Variants in ZSCAN31 observed in about 807,000 individuals in gnomAD.
The protein encoded by ZSCAN31 is zinc finger and SCAN domain containing 31, also known as zinc finger and SCAN domain-containing protein 31.
In ZSCAN31, 14 loss-of-function variants were observed where a neutral mutation model predicts 22.5. The observed-to-expected ratio is 0.62, with a 90% CI of 0.41 to 0.97. ZSCAN31 has a LOEUF of 0.97. Ranked by LOEUF, ZSCAN31 falls within the 50% of genes least tolerant of loss-of-function variation. The pLI, the probability that ZSCAN31 is intolerant of heterozygous loss-of-function variation, is 0.00. For missense variants in ZSCAN31, 424 were observed against 483.4 expected (o/e 0.88, Z 1.15); for synonymous variants, 168 against 169.8 (o/e 0.99, Z 0.08).
Position 28,352,964 on chromosome 6 carries a change from C to CTT in ZSCAN31, c.-371+896_-371+897dup, listed in dbSNP as rs5875156. Among the ~76,000 whole-genome samples, 222 of 129,888 alleles carry CTT rather than the reference C, an allele frequency of 1.7e-3. 3 individuals are homozygous for CTT. In the East Asian group the frequency reaches 0.038, roughly 22 times the overall value. The allele number at this position is 129,888 out of a possible 152,430, so 85.2% of individuals were successfully genotyped here. ...CTTACATTTCTTTTCTTTTCTTTTTCTTTTTTTTTTTTTTTTTGAGGCAGA... is the reference window on the plus strand; with the variant it reads ...CTTACATTTCTTTTCTTTTCTTTTTCTTTTTTTTTTTTTTTTTTTGAGGCAGA... On this transcript the variant is annotated intron_variant, in intron 2 of 7. Transcript: ENST00000396838.
rs878961650 is a variant in ZSCAN31 at position 28,353,576 on chromosome 6, G to A, written c.-371+286C>T. 4.5e-5 allele frequency: 12 copies of A among 267,778 alleles called. No homozygotes were observed. In the East Asian group the frequency reaches 8.6e-4, roughly 19 times the overall value. 16.6% of individuals were successfully genotyped at this position (267,778 alleles called of 1,614,324 possible). ...TCTAGATAATACCATACTGAGGAAGGAGTAGATTAGGAAGCAAGAAAATCA... is the reference window on the plus strand; with the variant it reads ...TCTAGATAATACCATACTGAGGAAGAAGTAGATTAGGAAGCAAGAAAATCA... On this transcript the variant is annotated intron_variant, in intron 2 of 7. Coordinates refer to the ZSCAN31 transcript ENST00000396838.
rs764478859 is a variant in ZSCAN31 at position 28,329,561 on chromosome 6, A to T, written c.123T>A (p.Leu41=). 1.9e-6 allele frequency: 3 copies of T among 1,614,086 alleles called. No homozygotes were observed. The South Asian group carries it at 3.3e-5, about 18-fold the overall frequency. Reference sequence around the variant, plus strand: ...TCTCTTGGTAACAAAACTGCCTAAAAAGTTGTCGGGAGGCTTCTTGGCCAG... The same window carrying T: ...TCTCTTGGTAACAAAACTGCCTAAATAGTTGTCGGGAGGCTTCTTGGCCAG... ...NFSGQEASRQ[L]FRQFCYQETP... Residue 41 remains leucine, a synonymous_variant, in exon 2 of 4, where the codon CTT becomes CTA. Transcript: ENST00000344279.
intron 2 of ZSCAN31, among the ~76,000 whole-genome samples, chr6:28,348,254 T>C (rs1434027280): frequency 6.6e-6 from 1 of 152,208 alleles, no homozygotes; most frequent in Non-Finnish European, 1.5e-5. Context: ...GTTTTCCTTA[T>C]AGTTTGTATG....
chr6:28,353,088 C>T (rs554569981), intron 2 of ZSCAN31, among the ~76,000 whole-genome samples: 1 of 151,996 alleles, frequency 6.6e-6, no homozygotes, highest in East Asian at 1.9e-4. Context: ...CCTGCCTCAG[C>T]CTCCCAAGTA....
intron 2 of ZSCAN31, 111 bp from the exon 3 acceptor site, chr6:28,327,644 C>T (rs1484827643): frequency 8.0e-7 from 1 of 1,245,924 alleles, no homozygotes; most frequent in Non-Finnish European, 1.1e-6. Flanking sequence ...AGAGAGATGT[C>T]ACAGTGGAAG....
chr6:28,350,445 G>C (rs906320500), intron 2 of ZSCAN31: 38 of 152,220 alleles, frequency 2.5e-4, no homozygotes, highest in African/African-American at 8.9e-4. Flanking sequence ...CAGAACGTTG[G>C]AGTCAGATTA....
At chr6:28,327,628 T>C (rs1763402874) in intron 2 of ZSCAN31, 95 bp from the exon 3 acceptor site, 1 of 1,370,684 alleles carries the variant, frequency 7.3e-7, no homozygotes, top group African/African-American at 1.5e-5. Flanking sequence ...ATATGAAACA[T>C]TTTCTAGAGA....
rs853678 is a variant in ZSCAN31, at chr6:28,329,536, T to A, written c.148A>T (p.Thr50Ser). 251,115 of 1,613,804 alleles carry A rather than the reference T, an allele frequency of 0.16. 22,147 individuals carry two copies. Among genetic ancestry groups the A allele is most frequent in the African/African-American group, 0.35 (26,467 of 74,862 alleles). Reference sequence around the variant, plus strand: ...CTCAGAGCTTCTCGGGGACCAGGAGTCTCTTGGTAACAAAACTGCCTAAAA... The same window carrying A: ...CTCAGAGCTTCTCGGGGACCAGGAGACTCTTGGTAACAAAACTGCCTAAAA... ...QLFRQFCYQE[T>S]PGPREALSRL... The change falls in exon 2 of 4, where the codon ACT (threonine) becomes TCT (serine). Residue 50 changes from threonine (T) to serine (S), a missense_variant. Coordinates refer to ENST00000344279, the MANE Select transcript of ZSCAN31 (RefSeq NM_030899.5).
At chr6:28,355,411 A>G (rs1765360530), upstream of ZSCAN31, 1 of 152,186 alleles carries the variant, frequency 6.6e-6, no homozygotes, top group Non-Finnish European at 1.5e-5. Flanking sequence ...GCAGTTAGTA[A>G]CTGCTTCTCT....
At position 28,347,254 on chromosome 6, in the gene ZSCAN31, C is replaced by T. The variant is rs1283457479; in HGVS notation, c.-370-5462G>A. On this transcript the variant is annotated intron_variant, in intron 2 of 7. Coordinates refer to the ZSCAN31 transcript ENST00000396838. The surrounding 1 kb of genome is among the most constrained non-coding windows in gnomAD (Gnocchi z 5.2). ...TTCTTGCTTAAAAATCCCAGAGTAA[C>T]CTTATCTCTGATACCCTCTCTTGTT... Among the ~76,000 whole-genome samples the T allele has an allele frequency of 1.3e-5, 2 of 152,176 alleles. No homozygotes were observed. Among genetic ancestry groups the T allele is most frequent in the Admixed American group, 1.3e-4 (2 of 15,278 alleles).
chr6:28,334,336 C>T (rs16893973), intron 1 of ZSCAN31, among the ~76,000 whole-genome samples: 15,145 of 152,160 alleles, frequency 0.1, 1,115 homozygotes, highest in East Asian at 0.31. Context: ...TAAGTGTTTA[C>T]GAGGTGTCAG....
chr6:28,342,423 A>G (rs1256431607), intron 2 of ZSCAN31, among the ~76,000 whole-genome samples: 3 of 152,188 alleles, frequency 2.0e-5, no homozygotes, highest in Non-Finnish European at 4.4e-5. Context: ...ACACCTGGAC[A>G]CTACGTTAGT....
chr6:28,345,698 G>A (rs562169611), intron 2 of ZSCAN31, among the ~76,000 whole-genome samples: 4 of 152,206 alleles, frequency 2.6e-5, no homozygotes, highest in Admixed American at 2.6e-4. Context: ...CATAGGATCT[G>A]GCATAACTTT....
intron 2 of ZSCAN31, among the ~76,000 whole-genome samples, chr6:28,342,893 C>T (rs1764472250): frequency 6.6e-6 from 1 of 152,198 alleles, no homozygotes; most frequent in Non-Finnish European, 1.5e-5. Flanking sequence ...GAACATTTCT[C>T]CAACTCTTCT....
At position 28,351,789 on chromosome 6, in the gene ZSCAN31, C is replaced by T. The variant is rs1293463090; in HGVS notation, c.-371+2073G>A. 2.0e-5 allele frequency among the ~76,000 whole-genome samples: 3 copies of T among 151,464 alleles called. No individual in the cohort carries two copies. Among genetic ancestry groups the T allele is most frequent in the Admixed American group, 2.0e-4 (3 of 15,174 alleles). ...CTCATTTCGTCCCTCTCTTCTCTTT[C>T]ATTTTATAGCAAATTGCAGATGGAA... On this transcript the variant is annotated intron_variant, in intron 2 of 7. Coordinates refer to the ZSCAN31 transcript ENST00000396838. This position sits in a 1 kb window ranked among gnomAD's most constrained non-coding sequence, Gnocchi z 4.6.
intron 2 of ZSCAN31, among the ~76,000 whole-genome samples, chr6:28,343,542 C>CTTTTTTTTTTTTTTTTTTTTTCT (rs34131321): frequency 9.4e-6 from 1 of 105,876 alleles, no homozygotes; most frequent in Non-Finnish European, 1.8e-5. Context: ...TTTTTTCTTT[C>CTTTTTTTTTTTTTTTTTTTTTCT]TTTTTTTTTT....
rs72854533 is a variant in ZSCAN31 at position 28,347,880 on chromosome 6, C to A, written c.-371+5982G>T. On this transcript the variant is annotated intron_variant, in intron 2 of 7. Transcript: ENST00000396838. This position sits in a 1 kb window ranked among gnomAD's most constrained non-coding sequence, Gnocchi z 5.2. ...AGTCCCAGCAACTGTGTATGACAGT[C>A]TCAAAATTTTCACATTCTTATCAGC... 0.046 allele frequency among the ~76,000 whole-genome samples: 7,034 copies of A among 152,232 alleles called. 254 individuals are homozygous for A. The highest frequency in any genetic ancestry group is 0.064 in the Non-Finnish European group (4,359 of 67,998).
At chr6:28,329,876 TAATAA>T (rs1407859947) in intron 1 of ZSCAN31, 98 bp from the exon 2 acceptor site, 1 of 619,396 alleles carries the variant, frequency 1.6e-6, no homozygotes, top group Non-Finnish European at 2.7e-6. Flanking sequence ...TCATTTATGT[TAATAA>T]AATGTATATA....
chr6:28,328,335 C>T (rs1763464212), intron 2 of ZSCAN31, among the ~76,000 whole-genome samples: 1 of 152,128 alleles, frequency 6.6e-6, no homozygotes, highest in African/African-American at 2.4e-5. Flanking sequence ...TCTATTTCAC[C>T]CCAGCAGTCT....
Sources: allele counts gnomAD v4.1 joint callset (sites outside exome capture counted in the v4.1 genomes callset), GRCh38; gene constraint gnomAD v4.1.1; non-coding constraint Gnocchi (gnomAD v3.1); transcripts MANE v1.5; gene names NCBI Gene and HGNC (gene_info 2026-07-23, HGNC 2026-07-21).